Variants in RAB2A observed in about 807,000 individuals in gnomAD.
RAB2A encodes RAB2A, member RAS oncogene family, also known as ras-related protein Rab-2A.
Under a neutral mutation model 32.5 loss-of-function variants are expected in RAB2A, and 7 were observed. The ratio of observed to expected loss-of-function variants is 0.22; its 90% CI spans 0.12 to 0.40. The LOEUF is 0.40. RAB2A is among the 10% of genes least tolerant of loss of function. The pLI is 1.00. For synonymous variants in RAB2A, 79 were observed against 85.2 expected, an observed-to-expected ratio of 0.93 and a Z score of 0.40; for missense variants, 108 against 260.7, an observed-to-expected ratio of 0.41 and a Z score of 4.03.
At chr8:60,526,041 A>T (rs927542544) in intron 1 of RAB2A, among the ~76,000 whole-genome samples, 1 of 125,146 alleles carries the variant, frequency 8.0e-6, no homozygotes, top group Non-Finnish European at 1.7e-5. Context: ...ATATATATAT[A>T]TATATATATA....
At chr8:60,547,414 T>C (rs79408100) in intron 1 of RAB2A, among the ~76,000 whole-genome samples, 2 of 151,746 alleles carry the variant, frequency 1.3e-5, no homozygotes, top group Non-Finnish European at 2.9e-5. Context: ...CTGTTGGCTA[T>C]ACCTCCCAGA....
chr8:60,525,950 T>A (rs1240709964), intron 1 of RAB2A, among the ~76,000 whole-genome samples: 1 of 146,854 alleles, frequency 6.8e-6, no homozygotes, highest in Admixed American at 6.8e-5. Flanking sequence ...TGTCTATATA[T>A]GTATATATGT....
chr8:60,517,089 A>C lies in RAB2A; in HGVS notation c.-119A>C. ...CTCACTCCCGGCGGCTGACAGCAGC[A>C]GCGGCGGCGGCGGGCGGCGCCTGGC... On this transcript the variant is annotated 5_prime_UTR_variant, in exon 1 of 8. Coordinates refer to ENST00000262646, the MANE Select transcript of RAB2A (RefSeq NM_002865.3). 2 of 1,080,244 alleles carry C rather than the reference A, an allele frequency of 1.9e-6. No individual in the cohort carries two copies. The highest frequency in any genetic ancestry group is 2.5e-6 in the Non-Finnish European group (2 of 793,032). 66.9% of individuals were successfully genotyped at this position (1,080,244 alleles called of 1,614,324 possible).
At position 60,623,038 on chromosome 8, in the gene RAB2A, A is replaced by G. The variant is rs1451401478; in HGVS notation, c.*2269A>G. On this transcript the variant is annotated 3_prime_UTR_variant, in exon 8 of 8. Transcript: ENST00000262646. ...TCTTCGATCAGTTTTTATAGCATCT[A>G]TGGACATAGAAAATCAGTCACTGAA... 1 of 152,244 alleles carries G rather than the reference A, an allele frequency of 6.6e-6. No individual in the cohort carries two copies. Among genetic ancestry groups the G allele is most frequent in the Non-Finnish European group, 1.5e-5 (1 of 68,046 alleles). 9.4% of individuals were successfully genotyped at this position (152,244 alleles called of 1,614,324 possible). A position where few individuals can be genotyped will look rare whatever the true frequency, so the allele number is the denominator to read the frequency against.
chr8:60,587,072 G>A lies in RAB2A; in HGVS notation c.362+2257G>A, dbSNP rs1050723378. ...GCCACGGAATAGCCAAATCAACTTT[G>A]ACAAAGAGGCACAATATTGGAGAGA... On this transcript the variant is annotated intron_variant, in intron 5 of 7. Transcript: ENST00000262646. 9.9e-5 allele frequency among the ~76,000 whole-genome samples: 15 copies of A among 152,138 alleles called. No individual in the cohort carries two copies. The South Asian group carries it at 1.0e-3, about 11-fold the overall frequency.
intron 6 of RAB2A, among the ~76,000 whole-genome samples, chr8:60,605,999 A>G (rs1159571760): frequency 1.3e-5 from 2 of 152,134 alleles, no homozygotes; most frequent in African/African-American, 4.8e-5. Flanking sequence ...AAATACAAAA[A>G]TTAGCCGGGC....
intron 3 of RAB2A, among the ~76,000 whole-genome samples, chr8:60,583,383 C>A (rs1025186770): frequency 1.6e-4 from 24 of 150,146 alleles, no homozygotes; most frequent in Non-Finnish European, 2.4e-4. Flanking sequence ...AGTCACATTC[C>A]TCCCCAGCAA....
chr8:60,533,775 A>G (rs1295146385), intron 1 of RAB2A, among the ~76,000 whole-genome samples: 1 of 152,194 alleles, frequency 6.6e-6, no homozygotes. Context: ...GTTCAAGACC[A>G]GCCTGGCCAA....
In RAB2A at chr8:60,572,028, A is replaced by G. The variant is rs374493531; in HGVS notation, c.119-18A>G. The G allele has an allele frequency of 9.7e-5, 153 of 1,580,474 alleles. No homozygotes were observed. Among genetic ancestry groups the G allele is most frequent in the Non-Finnish European group, 1.3e-4 (145 of 1,154,210 alleles). On this transcript the variant is annotated intron_variant, in intron 2 of 7. Coordinates refer to ENST00000262646, the MANE Select transcript of RAB2A (RefSeq NM_002865.3). The stretch of plus-strand genomic sequence containing the variant: ...ATTCCCACTAATTTTGTAACAAATC[A>G]TTTCCTACTCTATTTAGGTGTAGAG...
intron 6 of RAB2A, among the ~76,000 whole-genome samples, chr8:60,608,649 A>G (rs941495452): frequency 1.3e-5 from 1 of 75,934 alleles, no homozygotes; most frequent in African/African-American, 6.6e-5. Context: ...GATTTTTTTT[A>G]CCAGTTCTTT....
intron 1 of RAB2A, among the ~76,000 whole-genome samples, chr8:60,547,678 A>G (rs1187426750): frequency 2.6e-5 from 3 of 117,300 alleles, no homozygotes; most frequent in African/African-American, 6.2e-5. Flanking sequence ...TCCCTCCCGG[A>G]CGGGGCGGCT....
chr8:60,580,624 T>C (rs568331901), intron 3 of RAB2A, among the ~76,000 whole-genome samples: 9 of 152,234 alleles, frequency 5.9e-5, no homozygotes, highest in Non-Finnish European at 1.2e-4. Context: ...AATTGTGTTT[T>C]TTTATTTGCT....
chr8:60,577,660 G>T (rs1803661932), intron 3 of RAB2A, among the ~76,000 whole-genome samples: 1 of 150,162 alleles, frequency 6.7e-6, no homozygotes. Flanking sequence ...GTCTCGCTCT[G>T]TCGCCCAGGC....
At chr8:60,608,185 A>G (rs1047267180) in intron 6 of RAB2A, among the ~76,000 whole-genome samples, 1 of 152,246 alleles carries the variant, frequency 6.6e-6, no homozygotes. Context: ...GAAAGCTTGC[A>G]AAATAGAGAA....
At chr8:60,568,832 A>G (rs1443182225) in intron 2 of RAB2A, among the ~76,000 whole-genome samples, 1 of 152,210 alleles carries the variant, frequency 6.6e-6, no homozygotes, top group Non-Finnish European at 1.5e-5. Context: ...TTGAAAATGG[A>G]TCTGGGAAGA....
At chr8:60,617,590 C>T (rs540590117) in intron 6 of RAB2A, among the ~76,000 whole-genome samples, 2 of 152,102 alleles carry the variant, frequency 1.3e-5, no homozygotes, top group East Asian at 3.9e-4. Flanking sequence ...TTAAACTATA[C>T]AATTCGTTAG....
At chr8:60,520,086 G>A (rs1225940104) in intron 1 of RAB2A, among the ~76,000 whole-genome samples, 5 of 152,098 alleles carry the variant, frequency 3.3e-5, no homozygotes, top group East Asian at 1.9e-4. Context: ...CCCTGTTTCC[G>A]TAACCTATAA....
chr8:60,548,635 C>A (rs1201309721), intron 1 of RAB2A, among the ~76,000 whole-genome samples: 1 of 141,300 alleles, frequency 7.1e-6, no homozygotes, highest in South Asian at 2.3e-4. Context: ...GCTGGCCGAG[C>A]GGGGGGCTGA....
chr8:60,542,512 C>CA (rs5891766), intron 1 of RAB2A, among the ~76,000 whole-genome samples: 24 of 149,244 alleles, frequency 1.6e-4, no homozygotes, highest in African/African-American at 3.9e-4. Flanking sequence ...GAGAATCCGT[C>CA]AAAAAAAAAA....
Sources: allele counts gnomAD v4.1 joint callset (sites outside exome capture counted in the v4.1 genomes callset), GRCh38; gene constraint gnomAD v4.1.1; transcripts MANE v1.5; gene names NCBI Gene and HGNC (gene_info 2026-07-23, HGNC 2026-07-21).